Variants in CACNA2D1 observed in about 807,000 individuals in gnomAD.
The protein encoded by CACNA2D1 is calcium voltage-gated channel auxiliary subunit alpha2delta 1.
CACNA2D1 carries 53 observed loss-of-function variants against 171.5 expected under a neutral mutation model. The observed-to-expected ratio is 0.31, with a 90% CI of 0.25 to 0.39. CACNA2D1 has a LOEUF of 0.39. Ranked by LOEUF, CACNA2D1 falls within the 10% of genes least tolerant of loss-of-function variation. The pLI is 1.00. For synonymous variants in CACNA2D1, 442 were observed against 443.1 expected (o/e 1.00, Z 0.03); for missense variants, 903 against 1,299.8 (o/e 0.69, Z 4.69).
intron 6 of CACNA2D1, among the ~76,000 whole-genome samples, chr7:82,108,950 T>C (rs1396618085): frequency 2.0e-5 from 3 of 152,190 alleles, no homozygotes; most frequent in African/African-American, 7.2e-5. Context: ...CTAATCACTT[T>C]ATTACAATAG....
chr7:82,189,304 C>T (rs933272162), intron 3 of CACNA2D1, among the ~76,000 whole-genome samples: 20 of 151,914 alleles, frequency 1.3e-4, no homozygotes, highest in Non-Finnish European at 1.2e-4. Context: ...AGTGGGCAAG[C>T]AGTAATAGAG....
intron 21 of CACNA2D1, among the ~76,000 whole-genome samples, chr7:81,985,528 G>A (rs1257048937): frequency 4.6e-5 from 7 of 152,024 alleles, no homozygotes; most frequent in Non-Finnish European, 7.4e-5. Context: ...ATATTCTTTT[G>A]AGGGATTAAA....
At chr7:82,013,824 T>C (rs991271950) in intron 13 of CACNA2D1, among the ~76,000 whole-genome samples, 5 of 151,878 alleles carry the variant, frequency 3.3e-5, no homozygotes, top group African/African-American at 9.7e-5. Flanking sequence ...GCATGATGGA[T>C]AATTATTATA....
chr7:82,091,480 C>T (rs146697993), intron 6 of CACNA2D1, among the ~76,000 whole-genome samples: 2,711 of 152,294 alleles, frequency 0.018, 32 homozygotes, highest in Middle Eastern at 0.048. Flanking sequence ...CAGAACACAG[C>T]TGTTCTGCTT....
chr7:82,213,264 T>TAA (rs1800755954), intron 3 of CACNA2D1, among the ~76,000 whole-genome samples: 1 of 152,160 alleles, frequency 6.6e-6, no homozygotes, highest in South Asian at 2.1e-4. Context: ...TATAATATGA[T>TAA]AAACTGCAAG....
intron 1 of CACNA2D1, among the ~76,000 whole-genome samples, chr7:82,364,963 C>G (rs567707740): frequency 6.6e-6 from 1 of 152,132 alleles, no homozygotes; most frequent in African/African-American, 2.4e-5. Flanking sequence ...GGAAATAACA[C>G]ATTCCTGATT....
At chr7:82,170,504 C>G (rs1455416781) in intron 4 of CACNA2D1, 46 bp downstream of exon 4, 2 of 1,261,422 alleles carry the variant, frequency 1.6e-6, no homozygotes, top group Non-Finnish European at 2.3e-6. Context: ...TATCCATACA[C>G]AATATGTCAA....
At chr7:82,420,485 T>C (rs1254931639) in intron 1 of CACNA2D1, among the ~76,000 whole-genome samples, 2 of 152,156 alleles carry the variant, frequency 1.3e-5, no homozygotes, top group Non-Finnish European at 2.9e-5. Flanking sequence ...TTTTCCACCC[T>C]TAAATATGAA....
Position 82,248,371 on chromosome 7 carries a change from C to T in CACNA2D1, c.295-77762G>A, listed in dbSNP as rs554707557. On this transcript the variant is annotated intron_variant, in intron 3 of 38. Coordinates refer to ENST00000356860, the MANE Select transcript of CACNA2D1 (RefSeq NM_000722.4). ...CTTCTGCTGACCTGAGAAGAGAGGA[C>T]AGCTCTTTAACCCACACAGAAACTA... Among the ~76,000 whole-genome samples the T allele has an allele frequency of 3.4e-3, 518 of 152,184 alleles. 3 individuals carry two copies. The highest frequency in any genetic ancestry group is 0.012 in the African/African-American group (483 of 41,528).
intron 1 of CACNA2D1, among the ~76,000 whole-genome samples, chr7:82,385,790 G>T (rs543972855): frequency 6.6e-6 from 1 of 151,780 alleles, no homozygotes; most frequent in South Asian, 2.1e-4. Context: ...TCAGCCTCCC[G>T]AATAACTGGG....
At chr7:82,291,186 C>T (rs1278175998) in intron 3 of CACNA2D1, among the ~76,000 whole-genome samples, 5 of 108,170 alleles carry the variant, frequency 4.6e-5, no homozygotes, top group Admixed American at 9.6e-5. Flanking sequence ...AATTCTATAT[C>T]GATATAGAAT....
At chr7:82,167,353 C>T (rs144580277) in intron 4 of CACNA2D1, among the ~76,000 whole-genome samples, 53 of 152,066 alleles carry the variant, frequency 3.5e-4, no homozygotes, top group East Asian at 1.4e-3. Context: ...GTTTCAACCA[C>T]GAATTTGAAC....
intron 2 of CACNA2D1, among the ~76,000 whole-genome samples, chr7:82,340,277 C>T (rs761212780): frequency 2.6e-5 from 4 of 151,948 alleles, no homozygotes; most frequent in Non-Finnish European, 4.4e-5. Context: ...TTCTAAATAA[C>T]TTGAGTTCTT....
intron 3 of CACNA2D1, among the ~76,000 whole-genome samples, chr7:82,234,331 T>C (rs1803298509): frequency 6.6e-6 from 1 of 152,156 alleles, no homozygotes; most frequent in African/African-American, 2.4e-5. Flanking sequence ...TTATTTATAA[T>C]TAAGATTCAA....
At chr7:82,273,720 G>T (rs1439196286) in intron 3 of CACNA2D1, among the ~76,000 whole-genome samples, 1 of 152,000 alleles carries the variant, frequency 6.6e-6, no homozygotes, top group African/African-American at 2.4e-5. Context: ...GCAAATGAAG[G>T]GTATAATTCC....
chr7:82,410,925 G>A (rs1827578006), intron 1 of CACNA2D1, among the ~76,000 whole-genome samples: 1 of 151,962 alleles, frequency 6.6e-6, no homozygotes, highest in Non-Finnish European at 1.5e-5. Context: ...TCTCTCATAG[G>A]ATTACATTCT....
chr7:82,229,795 G>C (rs1802725343), intron 3 of CACNA2D1, among the ~76,000 whole-genome samples: 1 of 151,846 alleles, frequency 6.6e-6, no homozygotes, highest in South Asian at 2.1e-4. Flanking sequence ...CTCCCAAAGT[G>C]CTGGGATTAC....
At chr7:82,259,192 T>C (rs978627558) in intron 3 of CACNA2D1, among the ~76,000 whole-genome samples, 2 of 149,250 alleles carry the variant, frequency 1.3e-5, no homozygotes, top group East Asian at 2.0e-4. Flanking sequence ...ATGAGATAGA[T>C]AGATAGATGA....
chr7:82,419,177 C>A (rs994646570), intron 1 of CACNA2D1, among the ~76,000 whole-genome samples: 2 of 151,944 alleles, frequency 1.3e-5, no homozygotes, highest in Non-Finnish European at 2.9e-5. Flanking sequence ...TGAGCCTGTC[C>A]CCAAAGTAAT....
Sources: gnomAD v4.1 joint callset for allele counts (sites outside exome capture counted in the v4.1 genomes callset) on GRCh38, gnomAD v4.1.1 for gene constraint, MANE v1.5 for transcripts, NCBI Gene and HGNC (gene_info 2026-07-23, HGNC 2026-07-21) for gene names.